Variants in EVI5 observed in about 807,000 individuals in gnomAD.
The protein encoded by EVI5 is ecotropic viral integration site 5, also known as ecotropic viral integration site 5 protein homolog.
EVI5 carries 73 observed loss-of-function variants against 112.0 expected under a neutral mutation model. The observed-to-expected ratio is 0.65, with a 90% CI of 0.54 to 0.79. The LOEUF (loss-of-function observed/expected upper bound fraction) is 0.79. EVI5 is among the 30% of genes least tolerant of loss of function. The probability of loss-of-function intolerance (pLI) is 0.00; values close to 1 mark genes in which losing one functional copy is unlikely to be tolerated. For missense variants in EVI5, 900 were observed against 968.8 expected (o/e 0.93, Z 0.94); for synonymous variants, 305 against 319.9 (o/e 0.95, Z 0.50).
chr1:92,542,207 T>C (rs1205351386), intron 19 of EVI5, among the ~76,000 whole-genome samples: 1 of 152,256 alleles, frequency 6.6e-6, no homozygotes, highest in African/African-American at 2.4e-5. Context: ...AAATCCTTTG[T>C]TGCCATCTCA....
At chr1:92,700,969 A>G (rs995158920) in intron 5 of EVI5, 3 of 152,326 alleles carry the variant, frequency 2.0e-5, no homozygotes, top group African/African-American at 7.2e-5. Flanking sequence ...ACTATACCTT[A>G]ACATTAACAA....
chr1:92,743,764 G>A (rs1163774593), intron 1 of EVI5, among the ~76,000 whole-genome samples: 3 of 151,994 alleles, frequency 2.0e-5, no homozygotes, highest in Non-Finnish European at 4.4e-5. Flanking sequence ...TTGTTACCCT[G>A]GCTAGAGGTC....
rs1572170733 is a variant in EVI5, at chr1:92,662,803, G to T, written c.1308C>A (p.Thr436=). The T allele has an allele frequency of 7.8e-7, 1 of 1,289,218 alleles. No homozygotes were observed. Among genetic ancestry groups the T allele is most frequent in the South Asian group, 1.2e-5 (1 of 80,960 alleles). 79.9% of individuals were successfully genotyped at this position (1,289,218 alleles called of 1,614,324 possible). Residue 436 remains threonine, a synonymous_variant, in exon 13 of 20, where the codon ACC becomes ACA. Coordinates refer to ENST00000684568, the MANE Select transcript of EVI5 (RefSeq NM_001350197.2). ...TGGCCTCATCACTCTGCTGTTTGAT[G>T]GTGGCCAACTCCCGTTTTATGAGGT... ...ENYLIKRELA[T]IKQQSDEASA... is the part of the protein sequence containing the mutation.
intron 19 of EVI5, among the ~76,000 whole-genome samples, chr1:92,550,995 C>T (rs1419147407): frequency 6.9e-6 from 1 of 144,470 alleles, no homozygotes; most frequent in Admixed American, 6.9e-5. Context: ...AGATTAAGAA[C>T]CAGATAAATT....
At chr1:92,779,404 T>G (rs1436479830) in intron 1 of EVI5, among the ~76,000 whole-genome samples, 1 of 151,694 alleles carries the variant, frequency 6.6e-6, no homozygotes, top group African/African-American at 2.4e-5. Flanking sequence ...ATGCCTGTAA[T>G]ACCAGCTACT....
At chr1:92,738,851 C>G (rs1003619350) in intron 1 of EVI5, among the ~76,000 whole-genome samples, 6 of 152,152 alleles carry the variant, frequency 3.9e-5, no homozygotes, top group African/African-American at 1.4e-4. Flanking sequence ...CCTGCCACCT[C>G]TGAATCTCTT....
chr1:92,593,024 T>C (rs1311355645), intron 18 of EVI5, among the ~76,000 whole-genome samples: 2 of 152,224 alleles, frequency 1.3e-5, no homozygotes, highest in African/African-American at 2.4e-5. Flanking sequence ...CTTCTGAAAC[T>C]ATTCCAATCA....
chr1:92,555,731 T>C (rs1667570043), intron 19 of EVI5, among the ~76,000 whole-genome samples: 1 of 151,324 alleles, frequency 6.6e-6, no homozygotes, highest in Admixed American at 6.6e-5. Flanking sequence ...GTGCCTGTAG[T>C]CCCAGCTACT....
intron 16 of EVI5, among the ~76,000 whole-genome samples, chr1:92,615,881 C>T (rs897708423): frequency 3.9e-5 from 6 of 152,036 alleles, no homozygotes; most frequent in Non-Finnish European, 5.9e-5. Flanking sequence ...TTTATATAAA[C>T]AGAAATCTGG....
At chr1:92,548,893 A>T (rs546521120) in intron 19 of EVI5, among the ~76,000 whole-genome samples, 189 of 152,360 alleles carry the variant, frequency 1.2e-3, no homozygotes, top group African/African-American at 4.5e-3. Context: ...GATAGGAAGA[A>T]TCAACATCAT....
intron 13 of EVI5, among the ~76,000 whole-genome samples, chr1:92,636,707 T>C (rs894589108): frequency 2.0e-5 from 3 of 152,238 alleles, no homozygotes; most frequent in South Asian, 2.1e-4. Flanking sequence ...CACATGTGGC[T>C]ACTGAACACT....
chr1:92,623,057 C>T (rs1654923441), intron 16 of EVI5, among the ~76,000 whole-genome samples: 1 of 125,124 alleles, frequency 8.0e-6, no homozygotes, highest in Non-Finnish European at 1.7e-5. Flanking sequence ...GAAATAAATC[C>T]TCAACAATGG....
intron 10 of EVI5, among the ~76,000 whole-genome samples, chr1:92,667,987 T>C (rs962102217): frequency 4.6e-5 from 7 of 152,142 alleles, no homozygotes; most frequent in African/African-American, 1.7e-4. Flanking sequence ...CAGCCCCACC[T>C]TCCTATAAAT....
chr1:92,557,363 A>T (rs1330393632), intron 19 of EVI5, among the ~76,000 whole-genome samples: 1 of 151,950 alleles, frequency 6.6e-6, no homozygotes, highest in African/African-American at 2.4e-5. Context: ...GGCTCACTGC[A>T]ACCTCCGCCT....
intron 1 of EVI5, among the ~76,000 whole-genome samples, chr1:92,749,808 C>G (rs746302830): frequency 2.6e-5 from 4 of 152,172 alleles, no homozygotes; most frequent in Admixed American, 6.5e-5. Flanking sequence ...AACCTTATCA[C>G]ACATAATCTA....
At chr1:92,561,056 C>T (rs886882177) in intron 19 of EVI5, among the ~76,000 whole-genome samples, 10 of 152,120 alleles carry the variant, frequency 6.6e-5, no homozygotes, top group African/African-American at 2.4e-4. Context: ...GGTCTGTTTT[C>T]ATCACATAGA....
chr1:92,551,338 T>C (rs1477061381), intron 19 of EVI5, among the ~76,000 whole-genome samples: 1 of 152,156 alleles, frequency 6.6e-6, no homozygotes, highest in African/African-American at 2.4e-5. Context: ...ACTGCATGAA[T>C]TTCTATTCCT....
intron 1 of EVI5, among the ~76,000 whole-genome samples, chr1:92,781,278 G>A (rs1558253647): frequency 6.6e-6 from 1 of 152,072 alleles, no homozygotes; most frequent in African/African-American, 2.4e-5. Context: ...AAGCCGAAGA[G>A]GGCAGATTGC....
intron 19 of EVI5, among the ~76,000 whole-genome samples, chr1:92,530,165 C>A (rs1662617041): frequency 6.6e-6 from 1 of 152,126 alleles, no homozygotes; most frequent in Admixed American, 6.5e-5. Context: ...ATGAACTATA[C>A]TGAACAGACG....
Sources: allele counts gnomAD v4.1 joint callset (sites outside exome capture counted in the v4.1 genomes callset), GRCh38; gene constraint gnomAD v4.1.1; transcripts MANE v1.5; gene names NCBI Gene and HGNC (gene_info 2026-07-23, HGNC 2026-07-21).